The following SCAI variants were observed in gnomAD, a reference collection of about 807,000 sequenced individuals.
SCAI encodes the protein protein SCAI.
A neutral mutation model predicts 92.2 loss-of-function variants in SCAI; 24 were observed. That is an observed-to-expected ratio of 0.26 (90% CI 0.19 to 0.37). The LOEUF (loss-of-function observed/expected upper bound fraction) is 0.37, where lower values mean the gene tolerates loss of function less well. Ranked by LOEUF, SCAI falls within the 10% of genes least tolerant of loss-of-function variation. SCAI has a pLI of 1.00. For missense variants in SCAI, 450 were observed against 736.2 expected (o/e 0.61, Z 4.50); for synonymous variants, 261 against 258.6 (o/e 1.01, Z -0.09).
At chr9:124,980,020 A>G (rs1449555504) in intron 14 of SCAI, among the ~76,000 whole-genome samples, 1 of 150,848 alleles carries the variant, frequency 6.6e-6, no homozygotes, top group Non-Finnish European at 1.5e-5. Context: ...ACTGCACTCC[A>G]GCCTGGGTGA....
intron 5 of SCAI, among the ~76,000 whole-genome samples, chr9:125,027,805 C>T (rs568787098): frequency 2.6e-5 from 4 of 152,292 alleles, no homozygotes; most frequent in South Asian, 4.1e-4. Context: ...TGAGCCACCA[C>T]GCCCAGCCAT....
At chr9:124,996,139 T>C (rs2131622935) in intron 13 of SCAI, among the ~76,000 whole-genome samples, 1 of 146,514 alleles carries the variant, frequency 6.8e-6, no homozygotes, top group East Asian at 2.0e-4. Flanking sequence ...CATACATGTA[T>C]AGTGATTACC....
At chr9:125,124,815 G>C (rs998142265) in intron 2 of SCAI, among the ~76,000 whole-genome samples, 1 of 152,188 alleles carries the variant, frequency 6.6e-6, no homozygotes, top group African/African-American at 2.4e-5. Flanking sequence ...GCCAAGAAAA[G>C]GGGTTGAAAA....
intron 2 of SCAI, among the ~76,000 whole-genome samples, chr9:125,114,109 A>C (rs963600393): frequency 6.6e-6 from 1 of 152,246 alleles, no homozygotes; most frequent in Admixed American, 6.5e-5. Flanking sequence ...AAAATATTTT[A>C]AATTTTCAAG....
Position 125,105,916 on chromosome 9 carries a change from G to A in SCAI, c.98+36717C>T, listed in dbSNP as rs1294314444. ...GATGGACACCAGCCTGGCCAATGTG[G>A]TGAAACCCCGTTTCTACTAAAAATA... On this transcript the variant is annotated intron_variant, in intron 2 of 17. Coordinates refer to ENST00000336505, the MANE Select transcript of SCAI (RefSeq NM_001144877.3). Among the ~76,000 whole-genome samples the A allele has an allele frequency of 4.0e-5, 6 of 150,840 alleles. No individual in the cohort carries two copies. In the South Asian group the frequency reaches 6.3e-4, roughly 16 times the overall value.
intron 14 of SCAI, among the ~76,000 whole-genome samples, chr9:124,992,544 C>T (rs752900587): frequency 2.4e-4 from 36 of 152,012 alleles, no homozygotes; most frequent in Non-Finnish European, 4.4e-4. Flanking sequence ...CCACCCCTCC[C>T]AGCTAATTTT....
chr9:125,120,930 G>GA (rs1375829660), intron 2 of SCAI, among the ~76,000 whole-genome samples: 3 of 150,880 alleles, frequency 2.0e-5, no homozygotes, highest in Admixed American at 6.6e-5. Context: ...GGACTTCCCA[G>GA]AAAAAAAAGA....
chr9:125,087,830 G>C (rs569038298), intron 2 of SCAI, among the ~76,000 whole-genome samples: 1 of 152,090 alleles, frequency 6.6e-6, no homozygotes, highest in Non-Finnish European at 1.5e-5. Context: ...TTTTAAATAC[G>C]CATACTGAAA....
rs79582320 is a variant in SCAI at position 124,997,356 on chromosome 9, C to T, written c.1245-2341G>A. Among the ~76,000 whole-genome samples, 26 of 152,288 alleles carry T rather than the reference C, an allele frequency of 1.7e-4. No homozygotes were observed. The East Asian group carries it at 5.0e-3, about 29-fold the overall frequency. On this transcript the variant is annotated intron_variant, in intron 13 of 17. Transcript: ENST00000336505. ...CACAAGTCAATTTCATGGGTCCCATCCCTAAGGTACCTTACTATCTATATA... is the reference window on the plus strand; with the variant it reads ...CACAAGTCAATTTCATGGGTCCCATTCCTAAGGTACCTTACTATCTATATA...
At chr9:125,003,076 C>G in intron 11 of SCAI, 38 bp downstream of exon 11, 2 of 1,340,016 alleles carry the variant, frequency 1.5e-6, no homozygotes, top group African/African-American at 1.4e-5. Flanking sequence ...TTAGGGCACA[C>G]TTTCACCTCA....
chr9:125,130,223 A>C (rs981378412), intron 2 of SCAI, among the ~76,000 whole-genome samples: 2 of 152,106 alleles, frequency 1.3e-5, no homozygotes, highest in Non-Finnish European at 2.9e-5. Context: ...ACAAAAAAGC[A>C]AATTAACTCT....
intron 2 of SCAI, among the ~76,000 whole-genome samples, chr9:125,075,959 A>C (rs1454476191): frequency 1.3e-5 from 2 of 152,138 alleles, no homozygotes; most frequent in Non-Finnish European, 2.9e-5. Flanking sequence ...CGGCCTCCCA[A>C]AGTGCTGGGA....
intron 3 of SCAI, among the ~76,000 whole-genome samples, chr9:125,044,094 G>A (rs1322084352): frequency 6.6e-6 from 1 of 152,126 alleles, no homozygotes; most frequent in Non-Finnish European, 1.5e-5. Flanking sequence ...CCAAGCCTGG[G>A]ACCTGTCACA....
intron 17 of SCAI, among the ~76,000 whole-genome samples, chr9:124,966,326 T>C (rs1174872100): frequency 6.9e-6 from 1 of 145,916 alleles, no homozygotes; most frequent in Non-Finnish European, 1.5e-5. Flanking sequence ...GAACATGCGG[T>C]GTTTGGTTTT....
intron 2 of SCAI, among the ~76,000 whole-genome samples, chr9:125,128,612 G>T (rs1299268295): frequency 1.3e-5 from 2 of 152,058 alleles, no homozygotes; most frequent in African/African-American, 4.8e-5. Flanking sequence ...AATTAGCCGG[G>T]TGTGGTGGTG....
At chr9:124,962,168 T>TGG (rs1343431111) in intron 17 of SCAI, among the ~76,000 whole-genome samples, 10 of 138,660 alleles carry the variant, frequency 7.2e-5, no homozygotes, top group South Asian at 2.3e-4. Context: ...TTTTTTTTTT[T>TGG]TTGCGGGGGG....
intron 2 of SCAI, among the ~76,000 whole-genome samples, chr9:125,110,999 A>G (rs186524363): frequency 1.3e-5 from 2 of 152,336 alleles, no homozygotes; most frequent in Non-Finnish European, 2.9e-5. Flanking sequence ...TCTAGAGAAA[A>G]AGAGAGAACA....
chr9:124,993,319 T>C (rs138506207), intron 14 of SCAI, among the ~76,000 whole-genome samples: 13 of 152,294 alleles, frequency 8.5e-5, no homozygotes, highest in African/African-American at 3.1e-4. Context: ...CTGGGTACGG[T>C]GGAACACGCC....
chr9:125,090,071 T>C (rs73577894), intron 2 of SCAI, among the ~76,000 whole-genome samples: 2,131 of 152,202 alleles, frequency 0.014, 58 homozygotes, highest in African/African-American at 0.049. Flanking sequence ...CTAGAAGAAA[T>C]AAACCATTTC....
Sources: gnomAD v4.1 joint callset for allele counts (sites outside exome capture counted in the v4.1 genomes callset) on GRCh38, gnomAD v4.1.1 for gene constraint, MANE v1.5 for transcripts, NCBI Gene and HGNC (gene_info 2026-07-23, HGNC 2026-07-21) for gene names.